The following LRRC4C variants were observed in gnomAD, a reference collection of about 807,000 sequenced individuals.
The protein encoded by LRRC4C is leucine-rich repeat-containing protein 4C.
A neutral mutation model predicts 33.6 loss-of-function variants in LRRC4C; 5 were observed. The observed-to-expected ratio is 0.15, with a 90% CI of 0.08 to 0.31. LRRC4C has a LOEUF of 0.31. Among genes scored for constraint, LRRC4C ranks in the 10% least tolerant of loss-of-function variants. The pLI is 1.00. For synonymous variants in LRRC4C, 329 were observed against 302.0 expected, an observed-to-expected ratio of 1.09 and a Z score of -0.93; for missense variants, 560 against 796.7, an observed-to-expected ratio of 0.70 and a Z score of 3.58.
intron 2 of LRRC4C, among the ~76,000 whole-genome samples, chr11:40,900,292 C>T (rs1032614547): frequency 6.6e-6 from 1 of 151,982 alleles, no homozygotes; most frequent in Non-Finnish European, 1.5e-5. Flanking sequence ...GAAACGTGCC[C>T]ATCAATTTCA....
intron 3 of LRRC4C, among the ~76,000 whole-genome samples, chr11:40,347,708 G>A (rs551334989): frequency 1.2e-4 from 19 of 152,182 alleles, no homozygotes; most frequent in Non-Finnish European, 2.4e-4. Context: ...TCCGGGGTTC[G>A]AGCGATTCTC....
chr11:41,021,308 T>A (rs1855971141), intron 1 of LRRC4C, among the ~76,000 whole-genome samples: 1 of 147,038 alleles, frequency 6.8e-6, no homozygotes, highest in Non-Finnish European at 1.5e-5. Context: ...AAAAAAAAGC[T>A]GATCCTGGAG....
At chr11:40,266,022 G>A (rs1055795228) in intron 4 of LRRC4C, among the ~76,000 whole-genome samples, 4 of 152,302 alleles carry the variant, frequency 2.6e-5, no homozygotes, top group Non-Finnish European at 4.4e-5. Context: ...AGGATGCTGG[G>A]CATGGTGGCT....
intron 1 of LRRC4C, among the ~76,000 whole-genome samples, chr11:41,255,216 T>C (rs1948761834): frequency 6.6e-6 from 1 of 152,046 alleles, no homozygotes; most frequent in East Asian, 1.9e-4. Flanking sequence ...GATCTTCTTC[T>C]CTTGTTTTCT....
intron 3 of LRRC4C, among the ~76,000 whole-genome samples, chr11:40,377,314 T>C (rs572300388): frequency 6.6e-6 from 1 of 152,186 alleles, no homozygotes; most frequent in Non-Finnish European, 1.5e-5. Flanking sequence ...TTGATAATGG[T>C]GATGACAATG....
intron 1 of LRRC4C, among the ~76,000 whole-genome samples, chr11:41,219,907 T>A (rs1947228840): frequency 6.6e-6 from 1 of 152,106 alleles, no homozygotes; most frequent in African/African-American, 2.4e-5. Context: ...TGAAGACACA[T>A]GAAGGATAAT....
At chr11:40,591,393 A>G (rs955056241) in intron 3 of LRRC4C, among the ~76,000 whole-genome samples, 1 of 152,096 alleles carries the variant, frequency 6.6e-6, no homozygotes, top group Non-Finnish European at 1.5e-5. Flanking sequence ...CTCCCTAGTG[A>G]GATGAACCCG....
At chr11:40,240,921 T>G (rs1441862999) in intron 5 of LRRC4C, among the ~76,000 whole-genome samples, 1 of 152,176 alleles carries the variant, frequency 6.6e-6, no homozygotes, top group African/African-American at 2.4e-5. Context: ...TTCAAAGTGT[T>G]TAGCCTAATT....
intron 4 of LRRC4C, among the ~76,000 whole-genome samples, chr11:40,282,306 C>G (rs992379555): frequency 2.0e-5 from 3 of 152,142 alleles, no homozygotes; most frequent in African/African-American, 7.2e-5. Flanking sequence ...GATCGCACCA[C>G]TGCACTCCAG....
chr11:40,641,766 C>T (rs1472307), intron 3 of LRRC4C, among the ~76,000 whole-genome samples: 151,875 of 152,308 alleles, frequency 1, 75,723 homozygotes, highest in Middle Eastern at 1. Context: ...GGTTTGCCTC[C>T]GGCATCCCTG....
chr11:41,456,010 C>A (rs576066085), intron 1 of LRRC4C, among the ~76,000 whole-genome samples: 3 of 152,152 alleles, frequency 2.0e-5, no homozygotes, highest in Admixed American at 2.0e-4. Flanking sequence ...TGCAAAGCCC[C>A]TGCTCTATTC....
At chr11:41,446,686 G>C (rs1335771408) in intron 1 of LRRC4C, among the ~76,000 whole-genome samples, 1 of 152,116 alleles carries the variant, frequency 6.6e-6, no homozygotes, top group Non-Finnish European at 1.5e-5. Context: ...AAGCCACAAA[G>C]TCAGATTCTA....
intron 1 of LRRC4C, among the ~76,000 whole-genome samples, chr11:41,301,847 C>T (rs1182071388): frequency 1.3e-5 from 2 of 151,996 alleles, no homozygotes; most frequent in African/African-American, 4.8e-5. Context: ...GATAAACTGC[C>T]CTATATTTTT....
At chr11:40,857,140 G>A (rs1953828468) in intron 2 of LRRC4C, among the ~76,000 whole-genome samples, 1 of 152,174 alleles carries the variant, frequency 6.6e-6, no homozygotes, top group African/African-American at 2.4e-5. Context: ...AAGACACAAT[G>A]CCTTGCAATG....
At chr11:40,533,006 A>C (rs1956332215) in intron 3 of LRRC4C, among the ~76,000 whole-genome samples, 2 of 152,232 alleles carry the variant, frequency 1.3e-5, no homozygotes, top group South Asian at 2.1e-4. Context: ...ACTCACTATC[A>C]CGAGAACAGC....
chr11:40,366,741 A>G (rs1382390224), intron 3 of LRRC4C, among the ~76,000 whole-genome samples: 1 of 152,084 alleles, frequency 6.6e-6, no homozygotes, highest in Non-Finnish European at 1.5e-5. Context: ...AAAGGAAGAC[A>G]GACACAATGA....
chr11:41,023,875 G>A (rs575640603), intron 1 of LRRC4C, among the ~76,000 whole-genome samples: 3 of 151,722 alleles, frequency 2.0e-5, no homozygotes, highest in East Asian at 3.9e-4. Context: ...AAAAAGATAC[G>A]AAAATAGCTT....
At chr11:40,153,107 A>C (rs1858363646) in intron 5 of LRRC4C, among the ~76,000 whole-genome samples, 2 of 152,222 alleles carry the variant, frequency 1.3e-5, no homozygotes, top group Non-Finnish European at 2.9e-5. Flanking sequence ...GACAGTTCAC[A>C]TCACAGGACT....
chr11:40,278,301 G>C (rs1465936861), intron 4 of LRRC4C, among the ~76,000 whole-genome samples: 7 of 152,076 alleles, frequency 4.6e-5, no homozygotes, highest in African/African-American at 1.7e-4. Flanking sequence ...GGGCAGAATC[G>C]AGAGATCTGG....
Sources: gnomAD v4.1 joint callset for allele counts (sites outside exome capture counted in the v4.1 genomes callset) on GRCh38, gnomAD v4.1.1 for gene constraint, MANE v1.5 for transcripts, NCBI Gene and HGNC (gene_info 2026-07-23, HGNC 2026-07-21) for gene names.